The following BRWD1 variants were observed in gnomAD, a reference collection of about 807,000 sequenced individuals.
BRWD1 encodes bromodomain and WD repeat domain containing 1.
In BRWD1, 82 loss-of-function variants were observed where a neutral mutation model predicts 251.2. The observed-to-expected ratio is 0.33, with a 90% CI of 0.27 to 0.39. BRWD1 has a LOEUF of 0.39. Among genes scored for constraint, BRWD1 ranks in the 10% least tolerant of loss-of-function variants. The pLI is 1.00. For missense variants in BRWD1, 2,233 were observed against 2,711.6 expected (o/e 0.82, Z 3.92); for synonymous variants, 918 against 902.8 (o/e 1.02, Z -0.30).
chr21:39,247,750 C>T lies in BRWD1; in HGVS notation c.2432G>A (p.Ser811Asn). ...KYPNYGRRNRSWRELSSGNES... is the reference protein window; with the variant it reads ...KYPNYGRRNRNWRELSSGNES... Reference sequence around the variant, plus strand: ...ATTTCCAGAAGATAACTCACGCCAGCTACGATTTCTTCTACCATAATTTGG... The same window carrying T: ...ATTTCCAGAAGATAACTCACGCCAGTTACGATTTCTTCTACCATAATTTGG... Residue 811 changes from serine to asparagine, a missense_variant, in exon 21 of 41, where the codon AGC becomes AAC. Physicochemically the swap from Ser to Asn is conservative, Grantham distance 46 (BLOSUM62 1). This residue lies in a region of BRWD1 where 214 missense variants were observed against 222.0 expected (regional missense o/e 0.96). Transcript: ENST00000342449. The T allele has an allele frequency of 6.2e-7, 1 of 1,613,626 alleles. No homozygotes were observed. Among genetic ancestry groups the T allele is most frequent in the Non-Finnish European group, 8.5e-7 (1 of 1,179,828 alleles).
At chr21:39,299,140 T>C (rs1333672775) in intron 4 of BRWD1, among the ~76,000 whole-genome samples, 1 of 152,106 alleles carries the variant, frequency 6.6e-6, no homozygotes, top group Non-Finnish European at 1.5e-5. Context: ...GGAGAATCAC[T>C]TGAACCCAGG....
intron 37 of BRWD1, among the ~76,000 whole-genome samples, chr21:39,203,741 T>C (rs1293373097): frequency 1.3e-5 from 2 of 150,802 alleles, no homozygotes; most frequent in Non-Finnish European, 3.0e-5. Context: ...AAAACAGCCT[T>C]TTAAGTGGTA....
intron 8 of BRWD1, among the ~76,000 whole-genome samples, chr21:39,288,795 G>A (rs1452861751): frequency 6.6e-6 from 1 of 152,156 alleles, no homozygotes; most frequent in Admixed American, 6.5e-5. Context: ...CATCTTAAAG[G>A]TCTTCATCCT....
intron 8 of BRWD1, among the ~76,000 whole-genome samples, chr21:39,284,077 A>G (rs1446273953): frequency 6.6e-6 from 1 of 152,138 alleles, no homozygotes; most frequent in Non-Finnish European, 1.5e-5. Context: ...TACTTTTACA[A>G]CTTGTTCAGT....
rs1344862787 is a variant in BRWD1 at position 39,264,919 on chromosome 21, C to G, written c.1631G>C (p.Gly544Ala). 6.2e-7 allele frequency: 1 copy of G among 1,613,386 alleles called. No homozygotes were observed. The change falls in exon 16 of 41, where the codon GGT (glycine) becomes GCT (alanine). Residue 544 changes from glycine to alanine, a missense_variant. Gly to Ala is a moderately conservative substitution (Grantham distance 60). This residue lies in a region of BRWD1 where 315 missense variants were observed against 421.8 expected (regional missense o/e 0.75). Coordinates refer to ENST00000342449, the MANE Select transcript of BRWD1 (RefSeq NM_033656.4). ...TTCATATGGTTTGCTGCATCCAAAACCAAATATCAGAAGGTGCCCATGAGA... is the reference window on the plus strand; with the variant it reads ...TTCATATGGTTTGCTGCATCCAAAAGCAAATATCAGAAGGTGCCCATGAGA... ...TDSHGHLLIF[G>A]FGCSKPYEKI... is the part of the protein sequence containing the mutation.
intron 26 of BRWD1, 75 bp from the exon 27 acceptor site, chr21:39,228,657 A>G: frequency 1.4e-6 from 1 of 730,286 alleles, no homozygotes; most frequent in Non-Finnish European, 2.3e-6. Context: ...ACTGTCCAAA[A>G]GAAACATGAG....
intron 19 of BRWD1, among the ~76,000 whole-genome samples, chr21:39,252,280 G>C (rs946650378): frequency 3.3e-5 from 5 of 150,450 alleles, no homozygotes; most frequent in African/African-American, 1.2e-4. Context: ...ATAATGAATA[G>C]AATTTCTACC....
intron 10 of BRWD1, among the ~76,000 whole-genome samples, chr21:39,277,772 G>C (rs1224018267): frequency 1.3e-5 from 2 of 151,962 alleles, no homozygotes; most frequent in East Asian, 1.9e-4. Context: ...CACCATGTTG[G>C]TCAGGATGGT....
intron 13 of BRWD1, among the ~76,000 whole-genome samples, chr21:39,272,066 T>C (rs1422941526): frequency 1.4e-5 from 2 of 145,636 alleles, no homozygotes; most frequent in Admixed American, 6.8e-5. Flanking sequence ...TCTATGTAAT[T>C]ACAAAAAAAA....
At chr21:39,226,842 GC>G (rs555616519) in intron 27 of BRWD1, among the ~76,000 whole-genome samples, 58 of 152,134 alleles carry the variant, frequency 3.8e-4, no homozygotes, top group Non-Finnish European at 5.3e-4. Flanking sequence ...GGCAGCAGTG[GC>G]CAGATATGGT....
chr21:39,282,878 G>C (rs1300219040), intron 8 of BRWD1, among the ~76,000 whole-genome samples: 3 of 149,174 alleles, frequency 2.0e-5, no homozygotes, highest in African/African-American at 7.4e-5. Flanking sequence ...AGAATCGCTT[G>C]AACCTGGAAG....
At chr21:39,265,996 G>T (rs982508187) in intron 15 of BRWD1, among the ~76,000 whole-genome samples, 2 of 152,068 alleles carry the variant, frequency 1.3e-5, no homozygotes, top group African/African-American at 4.8e-5. Context: ...TAGTTATTTG[G>T]TTAACTCTAC....
In BRWD1 at chr21:39,187,080, A is replaced by T. The variant is rs374996377; in HGVS notation, c.*9179T>A. 37 of 1,595,776 alleles carry T rather than the reference A, an allele frequency of 2.3e-5. No individual in the cohort carries two copies. In the African/African-American group the frequency reaches 4.9e-4, roughly 21 times the overall value. ...ACCCCCTTAAAAAAAGCATTTTTCT[A>T]TTAATATCTTCTAGCTCTTTTTCAC... On this transcript the variant is annotated 3_prime_UTR_variant, in exon 41 of 41. Transcript: ENST00000342449.
Position 39,196,447 on chromosome 21 carries a change from T to G in BRWD1, c.6622A>C (p.Ser2208Arg). Reference sequence around the variant, plus strand: ...TCCACACTTAACCTAGGGCGTTTGCTTTGTCTTTGACGTCTCACAGTTTTA... The same window carrying G: ...TCCACACTTAACCTAGGGCGTTTGCGTTGTCTTTGACGTCTCACAGTTTTA... The part of the protein sequence containing the change: ...ISKTVRRQRQ[S>R]KRPRLSVDDN... The change falls in exon 41 of 41, where the codon AGC becomes CGC. Residue 2208 changes from serine to arginine, a missense_variant. Ser to Arg is a moderately radical substitution (Grantham distance 110). Transcript: ENST00000342449. The G allele has an allele frequency of 6.2e-7, 1 of 1,613,568 alleles. No individual in the cohort carries two copies. Among genetic ancestry groups the G allele is most frequent in the Non-Finnish European group, 8.5e-7 (1 of 1,179,722 alleles).
chr21:39,238,785 TA>T (rs1284776390), intron 21 of BRWD1, among the ~76,000 whole-genome samples: 1 of 152,184 alleles, frequency 6.6e-6, no homozygotes, highest in Non-Finnish European at 1.5e-5. Flanking sequence ...AGAACATCCG[TA>T]AGATTTAACA....
chr21:39,256,088 G>T (rs938817707), intron 18 of BRWD1, among the ~76,000 whole-genome samples: 3 of 152,096 alleles, frequency 2.0e-5, no homozygotes, highest in Non-Finnish European at 4.4e-5. Flanking sequence ...CAAAGTGCTG[G>T]GATTATAGGC....
Position 39,193,769 on chromosome 21 carries a change from C to A in BRWD1, c.*2490G>T. The A allele has an allele frequency of 1.0e-6, 1 of 985,458 alleles. No individual in the cohort carries two copies. Among genetic ancestry groups the A allele is most frequent in the Non-Finnish European group, 1.2e-6 (1 of 829,698 alleles). The allele number at this position is 985,458 out of a possible 1,614,324, so 61.0% of individuals were successfully genotyped here. On this transcript the variant is annotated 3_prime_UTR_variant, in exon 41 of 41. Coordinates refer to ENST00000342449, the MANE Select transcript of BRWD1 (RefSeq NM_033656.4). ...TAAAGTACACCTGTGCATTAAATCCCTGGGCATTTTGCATAACGTAGAAAA... is the reference window on the plus strand; with the variant it reads ...TAAAGTACACCTGTGCATTAAATCCATGGGCATTTTGCATAACGTAGAAAA...
chr21:39,197,056 C>A lies in BRWD1; in HGVS notation c.6013G>T (p.Gly2005Cys), dbSNP rs753785565. The A allele has an allele frequency of 6.2e-6, 10 of 1,613,998 alleles. No homozygotes were observed. The Admixed American group carries it at 1.0e-4, about 16-fold the overall frequency. Reference protein sequence around the residue: ...EGKPPDPDSEGSTKVLSQALN... With the variant: ...EGKPPDPDSECSTKVLSQALN... Reference sequence around the variant, plus strand: ...GCCTGACTAAGCACTTTTGTACTACCTTCGGAGTCAGGATCAGGTGGCTTG... The same window carrying A: ...GCCTGACTAAGCACTTTTGTACTACATTCGGAGTCAGGATCAGGTGGCTTG... Residue 2005 changes from glycine (G) to cysteine (C), a missense_variant, in exon 41 of 41, where the codon GGT becomes TGT. Physicochemically the swap from Gly to Cys is radical, Grantham distance 159. This residue lies in a region of BRWD1 where 928 missense variants were observed against 970.0 expected (regional missense o/e 0.96). Transcript: ENST00000342449.
intron 4 of BRWD1, among the ~76,000 whole-genome samples, chr21:39,300,370 T>C (rs1189287458): frequency 1.3e-5 from 2 of 152,102 alleles, no homozygotes; most frequent in East Asian, 3.9e-4. Context: ...ACCTAAAAAG[T>C]TGGCAGTCAG....
Sources: allele counts gnomAD v4.1 joint callset (sites outside exome capture counted in the v4.1 genomes callset), GRCh38; gene constraint gnomAD v4.1.1; regional missense constraint gnomAD v4.1.1; transcripts MANE v1.5; gene names NCBI Gene and HGNC (gene_info 2026-07-23, HGNC 2026-07-21).